GOLGA4: variants seen among roughly 807,000 people sequenced by gnomAD.
The protein encoded by GOLGA4 is golgin subfamily A member 4.
Under a neutral mutation model 265.9 loss-of-function variants are expected in GOLGA4, and 169 were observed. The ratio of observed to expected loss-of-function variants is 0.64; its 90% CI spans 0.56 to 0.72. GOLGA4 has a LOEUF of 0.72. Ranked by LOEUF, GOLGA4 falls within the 30% of genes least tolerant of loss-of-function variation. The pLI, the probability that GOLGA4 is intolerant of heterozygous loss-of-function variation, is 0.00. For missense variants in GOLGA4, 2,482 were observed against 2,483.4 expected (o/e 1.00, Z 0.01); for synonymous variants, 923 against 855.8 (o/e 1.08, Z -1.37).
In GOLGA4 at chr3:37,323,620, A is replaced by G; in HGVS notation, c.1734A>G (p.Lys578=). The G allele has an allele frequency of 6.4e-7, 1 of 1,572,264 alleles. No individual in the cohort carries two copies. The highest frequency in any genetic ancestry group is 1.4e-5 in the African/African-American group (1 of 72,488). Residue 578 remains lysine, a synonymous_variant, in exon 14 of 24, where the codon AAA becomes AAG. Coordinates refer to ENST00000361924, the MANE Select transcript of GOLGA4 (RefSeq NM_002078.5). ...TTGAATTGGAAAGTTCTTTGGAAAA[A>G]AGCTTACAAGAAAACAAAAATCAGT... ...RILELESSLE[K]SLQENKNQSK...
chr3:37,298,998 T>C lies in GOLGA4; in HGVS notation c.980T>C (p.Leu327Pro), dbSNP rs1227869818. The change falls in exon 8 of 24, where the codon CTT becomes CCT. Residue 327 changes from leucine to proline, a missense_variant. By Grantham distance (98) the Leu-to-Pro change is moderately conservative. Transcript: ENST00000361924. The part of the protein sequence containing the change: ...EALQEQLDER[L>P]QELEKIKDLH... ...CTGCAAGAACAACTGGATGAAAGAC[T>C]TCAAGAACTAGAAAAGATAAAGGTA... 2 of 1,592,488 alleles carry C rather than the reference T, an allele frequency of 1.3e-6. No individual in the cohort carries two copies. The highest frequency in any genetic ancestry group is 1.7e-6 in the Non-Finnish European group (2 of 1,174,372).
intron 22 of GOLGA4, 64 bp from the exon 23 acceptor site, chr3:37,361,179 A>G: frequency 3.4e-6 from 4 of 1,170,956 alleles, no homozygotes; most frequent in South Asian, 2.4e-5. Flanking sequence ...TACACATACA[A>G]TCTATGTGTT....
chr3:37,263,864 A>G (rs1435711740), intron 2 of GOLGA4, among the ~76,000 whole-genome samples: 1 of 152,246 alleles, frequency 6.6e-6, no homozygotes, highest in Non-Finnish European at 1.5e-5. Context: ...TTAAATCCTT[A>G]GCAGAATTGC....
At chr3:37,338,756 G>A (rs953702743) in intron 19 of GOLGA4, among the ~76,000 whole-genome samples, 7 of 151,652 alleles carry the variant, frequency 4.6e-5, no homozygotes, top group Non-Finnish European at 7.4e-5. Context: ...CCTCCTCCCC[G>A]TAACACCTAG....
intron 1 of GOLGA4, among the ~76,000 whole-genome samples, chr3:37,249,460 G>T (rs934425404): frequency 2.0e-5 from 3 of 151,972 alleles, no homozygotes; most frequent in Admixed American, 6.6e-5. Flanking sequence ...TGTCACCCAG[G>T]CTGGAGTGTA....
chr3:37,323,439 T>G, intron 13 of GOLGA4, 149 bp from the exon 14 acceptor site: 1 of 578,396 alleles, frequency 1.7e-6, no homozygotes, highest in Non-Finnish European at 3.1e-6. Flanking sequence ...ATATGATTCC[T>G]TTAGTAATTG....
At chr3:37,343,184 C>T (rs1306868213) in intron 20 of GOLGA4, among the ~76,000 whole-genome samples, 7 of 152,070 alleles carry the variant, frequency 4.6e-5, no homozygotes, top group East Asian at 1.9e-4. Context: ...CGCAATGGCG[C>T]GATCTCAGCT....
intron 1 of GOLGA4, among the ~76,000 whole-genome samples, chr3:37,245,988 C>A (rs747604306): frequency 6.6e-6 from 1 of 152,152 alleles, no homozygotes; most frequent in Non-Finnish European, 1.5e-5. Context: ...GGTGGCCTTA[C>A]GCCTGTAATC....
At chr3:37,252,609 A>AAC (rs2096737088) in intron 2 of GOLGA4, among the ~76,000 whole-genome samples, 1 of 152,022 alleles carries the variant, frequency 6.6e-6, no homozygotes, top group Non-Finnish European at 1.5e-5. Context: ...TTTGCCCTAT[A>AAC]TTTTTGAGAG....
At chr3:37,273,271 T>C (rs1398885214) in intron 2 of GOLGA4, among the ~76,000 whole-genome samples, 1 of 152,212 alleles carries the variant, frequency 6.6e-6, no homozygotes, top group Admixed American at 6.5e-5. Context: ...GGAAGAGGTA[T>C]GTGACTAGCT....
chr3:37,278,074 T>TA (rs1228433497), intron 2 of GOLGA4, among the ~76,000 whole-genome samples: 1 of 152,190 alleles, frequency 6.6e-6, no homozygotes, highest in Non-Finnish European at 1.5e-5. Context: ...TGTTTCAGAA[T>TA]AAAATAATCT....
intron 7 of GOLGA4, 122 bp from the exon 8 acceptor site, chr3:37,298,711 A>C (rs964368989): frequency 1.5e-6 from 1 of 672,804 alleles, no homozygotes; most frequent in Non-Finnish European, 2.6e-6. Context: ...ATGACAGCTT[A>C]AAGGTTAGAA....
rs148477194 is a variant in GOLGA4 at position 37,342,357 on chromosome 3, G to C, written c.6472+2158G>C. Among the ~76,000 whole-genome samples, 372 of 151,880 alleles carry C rather than the reference G, an allele frequency of 2.4e-3. 2 individuals carry two copies. The highest frequency in any genetic ancestry group is 8.7e-3 in the African/African-American group (359 of 41,462). ...CAACTCTGTCTCAAAAATAAATAAA[G>C]AGTAAATTGAGCACCTATCTTGCAG... On this transcript the variant is annotated intron_variant, in intron 20 of 23. Transcript: ENST00000361924.
At chr3:37,248,735 G>T (rs2096726203) in intron 1 of GOLGA4, among the ~76,000 whole-genome samples, 1 of 151,706 alleles carries the variant, frequency 6.6e-6, no homozygotes, top group Admixed American at 6.6e-5. Flanking sequence ...TGATTTTTTT[G>T]TCAGTTTCTC....
chr3:37,303,643 G>A (rs2096898803), intron 10 of GOLGA4, among the ~76,000 whole-genome samples: 1 of 152,338 alleles, frequency 6.6e-6, no homozygotes, highest in Non-Finnish European at 1.5e-5. Flanking sequence ...TCTTTCAGGA[G>A]TCATCAGCCT....
At chr3:37,267,085 T>C in intron 2 of GOLGA4, 1 of 305,744 alleles carries the variant, frequency 3.3e-6, no homozygotes, top group Non-Finnish European at 6.5e-6. Context: ...TCTAAAAAAA[T>C]CAGAGAGTAA....
intron 22 of GOLGA4, among the ~76,000 whole-genome samples, chr3:37,356,200 T>TG (rs1156397992): frequency 1.3e-5 from 2 of 152,148 alleles, no homozygotes; most frequent in African/African-American, 2.4e-5. Flanking sequence ...ATGGCCTAGA[T>TG]GGAGGGGTTT....
intron 21 of GOLGA4, among the ~76,000 whole-genome samples, chr3:37,351,985 C>G (rs1442943122): frequency 6.6e-6 from 1 of 152,040 alleles, no homozygotes; most frequent in African/African-American, 2.4e-5. Context: ...TGAACTTCTC[C>G]TCTCTAGCTA....
intron 2 of GOLGA4, among the ~76,000 whole-genome samples, chr3:37,260,210 G>C (rs911489813): frequency 1.3e-5 from 2 of 149,478 alleles, no homozygotes; most frequent in Non-Finnish European, 3.0e-5. Flanking sequence ...GAAAGTTTAT[G>C]AACTTGTGTT....
Sources: allele counts gnomAD v4.1 joint callset (sites outside exome capture counted in the v4.1 genomes callset), GRCh38; gene constraint gnomAD v4.1.1; transcripts MANE v1.5; gene names NCBI Gene and HGNC (gene_info 2026-07-23, HGNC 2026-07-21).